The following ZMAT1 variants were observed in gnomAD, a reference collection of about 807,000 sequenced individuals.
The protein encoded by ZMAT1 is zinc finger matrin-type 1.
Under a neutral mutation model 18.5 loss-of-function variants are expected in ZMAT1, and 11 were observed. The observed-to-expected ratio is 0.59, with a 90% CI of 0.37 to 0.98. ZMAT1 has a LOEUF of 0.98. ZMAT1 is among the 50% of genes least tolerant of loss of function. ZMAT1 has a pLI of 0.01. For synonymous variants in ZMAT1, 211 were observed against 176.4 expected (o/e 1.20, Z -1.55); for missense variants, 525 against 496.2 (o/e 1.06, Z -0.55).
At chrX:101,908,950 A>C (rs1189744629) in intron 1 of ZMAT1, among the ~76,000 whole-genome samples, 1 of 109,363 alleles carries the variant, frequency 9.1e-6, no homozygotes, top group Non-Finnish European at 1.9e-5. Context: ...CCAAGGAAGG[A>C]CTGAAATCAC....
intron 1 of ZMAT1, among the ~76,000 whole-genome samples, chrX:101,920,547 G>A (rs1929652265): frequency 1.8e-5 from 2 of 111,832 alleles, no homozygotes; most frequent in African/African-American, 6.5e-5. Flanking sequence ...ATACTGGAGT[G>A]ATGATTCACA....
intron 1 of ZMAT1, among the ~76,000 whole-genome samples, chrX:101,920,414 A>G (rs986668816): frequency 9.0e-6 from 1 of 111,616 alleles, no homozygotes; most frequent in Non-Finnish European, 1.9e-5. Context: ...ACTTTACATG[A>G]AACAAATTCG....
chrX:101,897,977 A>G lies in ZMAT1; in HGVS notation c.567T>C (p.Ser189=). 8.3e-7 allele frequency: 1 copy of G among 1,211,681 alleles called. No homozygotes were observed. The highest frequency in any genetic ancestry group is 1.1e-6 in the Non-Finnish European group (1 of 895,402). ...CATAGTGAGACTGAGCAATAAGTGG[A>G]GAGCTAAACATCATGTTGCAGAGAT... is the stretch of plus-strand genomic sequence containing the variant. ...FCDLCNMMFS[S]PLIAQSHYVG... is the part of the protein sequence containing the mutation. Residue 189 remains serine (S), a synonymous_variant, in exon 4 of 6, where the codon TCT becomes TCC. Transcript: ENST00000651725.
intron 1 of ZMAT1, among the ~76,000 whole-genome samples, chrX:101,914,504 G>T (rs1409248707): frequency 9.0e-6 from 1 of 110,617 alleles, no homozygotes; most frequent in Non-Finnish European, 1.9e-5. Flanking sequence ...AATCAGAAAT[G>T]AAAAAGGAGA....
intron 4 of ZMAT1, chrX:101,890,135 A>G (rs1369478732): frequency 8.9e-6 from 1 of 111,917 alleles, no homozygotes; most frequent in Non-Finnish European, 1.9e-5. Context: ...AAGTGACTGT[A>G]TCTCCAAATC....
chrX:101,898,335 G>C, intron 2 of ZMAT1, 115 bp from the exon 3 acceptor site: 1 of 573,498 alleles, frequency 1.7e-6, no homozygotes, highest in Non-Finnish European at 2.7e-6. Context: ...GTCAAACTTG[G>C]TACAGACTCA....
At position 101,918,483 on chromosome X, in the gene ZMAT1, C is replaced by CACACACACAAAA. The variant is rs758997318; in HGVS notation, c.292+13233_292+13234insTTTTGTGTGTGT. The CACACACACAAAA allele has an allele frequency of 4.1e-5, 4 of 98,462 alleles. 1 individual carries two copies. The highest frequency in any genetic ancestry group is 1.5e-4 in the African/African-American group (4 of 26,865). 8.1% of individuals were successfully genotyped at this position (98,462 alleles called of 1,213,427 possible). On this transcript the variant is annotated intron_variant, in intron 1 of 5. Coordinates refer to ENST00000651725, the MANE Select transcript of ZMAT1 (RefSeq NM_001394560.1). Reference sequence around the variant, plus strand: ...ACACACACACACACACACACACACACAAAAATTAGCTGGGCGTGGTGGTGC... The same window carrying CACACACACAAAA: ...ACACACACACACACACACACACACACACACACACAAAAAAAAATTAGCTGGGCGTGGTGGTGC...
intron 2 of ZMAT1, among the ~76,000 whole-genome samples, 189 bp downstream of exon 2, chrX:101,904,035 C>T (rs1928431709): frequency 1.8e-5 from 2 of 111,491 alleles, no homozygotes; most frequent in African/African-American, 6.5e-5. Flanking sequence ...GAGTTTAAAT[C>T]TGAATTCCCC....
intron 1 of ZMAT1, among the ~76,000 whole-genome samples, chrX:101,929,422 ATTATATATATAT>A (rs1335433731): frequency 5.0e-4 from 12 of 23,791 alleles, no homozygotes; most frequent in African/African-American, 2.8e-3. Flanking sequence ...ATAGAGAGAG[ATTATATATATAT>A]ATATATATAT....
chrX:101,915,315 G>C (rs777465949), intron 1 of ZMAT1, among the ~76,000 whole-genome samples: 12 of 60,548 alleles, frequency 2.0e-4, no homozygotes, highest in African/African-American at 6.9e-4. Flanking sequence ...ATTCAGCATA[G>C]TACTAGAAGT....
chrX:101,929,905 A>G (rs1429293810), intron 1 of ZMAT1, among the ~76,000 whole-genome samples: 3 of 111,411 alleles, frequency 2.7e-5, no homozygotes, highest in Non-Finnish European at 5.7e-5. Flanking sequence ...TATTTCAAAA[A>G]TGTCAAAACC....
intron 5 of ZMAT1, among the ~76,000 whole-genome samples, chrX:101,885,679 CA>C (rs757723443): frequency 3.8e-4 from 42 of 111,268 alleles, no homozygotes; most frequent in Non-Finnish European, 7.0e-4. Context: ...TTATTTTATT[CA>C]TTTTATTTTA....
intron 1 of ZMAT1, chrX:101,912,046 C>T: frequency 1.0e-5 from 12 of 1,146,520 alleles, no homozygotes; most frequent in Non-Finnish European, 1.4e-5. Context: ...CCTCCCTTAC[C>T]AAGCACCAGA....
At chrX:101,929,827 C>A (rs1930370068) in intron 1 of ZMAT1, among the ~76,000 whole-genome samples, 1 of 111,397 alleles carries the variant, frequency 9.0e-6, no homozygotes, top group Non-Finnish European at 1.9e-5. Context: ...TCAATCAGAA[C>A]AGCAAAATCA....
chrX:101,897,930 T>C lies in ZMAT1; in HGVS notation c.614A>G (p.Lys205Arg). ...ATGTTCCTCCATTAATTGCTTCAGTTTTTTAGCATGGACCTTTCCCACATA... is the reference window on the plus strand; with the variant it reads ...ATGTTCCTCCATTAATTGCTTCAGTCTTTTAGCATGGACCTTTCCCACATA... ...SHYVGKVHAK[K>R]LKQLMEEHDQ... is the part of the protein sequence containing the mutation. The change falls in exon 4 of 6, where the codon AAA (lysine) becomes AGA (arginine). Residue 205 changes from lysine to arginine, a missense_variant. Physicochemically the swap from Lys to Arg is conservative, Grantham distance 26. Coordinates refer to ENST00000651725, the MANE Select transcript of ZMAT1 (RefSeq NM_001394560.1). 1.7e-6 allele frequency: 2 copies of C among 1,211,629 alleles called. No homozygotes were observed. Among genetic ancestry groups the C allele is most frequent in the South Asian group, 3.5e-5 (2 of 56,960 alleles).
At chrX:101,924,402 G>A (rs889780015) in intron 1 of ZMAT1, among the ~76,000 whole-genome samples, 1 of 112,189 alleles carries the variant, frequency 8.9e-6, no homozygotes, top group Non-Finnish European at 1.9e-5. Flanking sequence ...GTGAGCCACC[G>A]TGCCCGGCCA....
chrX:101,931,814 G>A lies in ZMAT1; in HGVS notation c.195C>T (p.Gly65=). The change falls in exon 1 of 6, where the codon GGC becomes GGT. Residue 65 remains glycine, a synonymous_variant. Transcript: ENST00000651725. ...CGCCAAAGCCGCCGCCGCCGCCGTCGCCACAGCCACCGGCAGGCGGGCAGG... is the reference window on the plus strand; with the variant it reads ...CGCCAAAGCCGCCGCCGCCGCCGTCACCACAGCCACCGGCAGGCGGGCAGG... ...APACPPAGGC[G]DGGGGGFGGS... 2.6e-6 allele frequency: 2 copies of A among 782,878 alleles called. No individual in the cohort carries two copies. Among genetic ancestry groups the A allele is most frequent in the South Asian group, 5.2e-5 (1 of 19,327 alleles). 64.5% of individuals were successfully genotyped at this position (782,878 alleles called of 1,213,427 possible).
At chrX:101,896,881 T>C (rs762122551) in intron 4 of ZMAT1, among the ~76,000 whole-genome samples, 915 of 47,878 alleles carry the variant, frequency 0.019, 2 homozygotes, top group Non-Finnish European at 0.028. Context: ...AATGTTTTTA[T>C]AATTCCCCCT....
intron 1 of ZMAT1, among the ~76,000 whole-genome samples, chrX:101,926,238 TATAAA>T (rs1475457291): frequency 8.9e-6 from 1 of 112,033 alleles, no homozygotes; most frequent in Non-Finnish European, 1.9e-5. Flanking sequence ...CTTATGTTGA[TATAAA>T]ATACTCAATT....
Sources: allele counts gnomAD v4.1 joint callset (sites outside exome capture counted in the v4.1 genomes callset), GRCh38; gene constraint gnomAD v4.1.1; transcripts MANE v1.5; gene names NCBI Gene and HGNC (gene_info 2026-07-23, HGNC 2026-07-21).